Variants in CTNNA3 observed in about 807,000 individuals in gnomAD.
CTNNA3 encodes catenin alpha-3.
In CTNNA3, 76 loss-of-function variants were observed where a neutral mutation model predicts 95.7. The ratio of observed to expected loss-of-function variants is 0.79; its 90% confidence interval spans 0.66 to 0.96. CTNNA3 has a LOEUF of 0.96. CTNNA3 is among the 40% of genes least tolerant of loss of function. The pLI, the probability that CTNNA3 is intolerant of heterozygous loss-of-function variation, is 0.00. For synonymous variants in CTNNA3, 431 were observed against 374.4 expected, an observed-to-expected ratio of 1.15 and a Z score of -1.74; for missense variants, 1,191 against 1,089.8, an observed-to-expected ratio of 1.09 and a Z score of -1.31.
intron 7 of CTNNA3, among the ~76,000 whole-genome samples, chr10:67,180,114 C>A (rs1282740462): frequency 6.6e-6 from 1 of 152,170 alleles, no homozygotes; most frequent in Admixed American, 6.5e-5. Context: ...AAATACCCTT[C>A]TGGTTCTGAT....
chr10:66,639,477 A>T (rs1845445086), intron 9 of CTNNA3, among the ~76,000 whole-genome samples: 1 of 152,116 alleles, frequency 6.6e-6, no homozygotes, highest in Non-Finnish European at 1.5e-5. Context: ...AGACAGAATG[A>T]ACTTTATTTA....
chr10:67,219,808 G>C lies in CTNNA3; in HGVS notation c.642C>G (p.Asn214Lys), dbSNP rs761587201. ...IAGARASLKE[N>K]SPLLHSICSA... is the part of the protein sequence containing the mutation. ...AACAAATTGAATGCAAGAGGGGAGA[G>C]TTCTCCTTCAGTGAAGCTCGGGCTC... Residue 214 changes from asparagine (N) to lysine (K), a missense_variant, in exon 6 of 18, where the codon AAC becomes AAG. Transcript: ENST00000433211. 6.2e-7 allele frequency: 1 copy of C among 1,613,466 alleles called. No homozygotes were observed. Among genetic ancestry groups the C allele is most frequent in the Non-Finnish European group, 8.5e-7 (1 of 1,179,458 alleles).
chr10:66,374,043 A>G (rs2092774394), intron 12 of CTNNA3, among the ~76,000 whole-genome samples: 1 of 152,194 alleles, frequency 6.6e-6, no homozygotes, highest in African/African-American at 2.4e-5. Flanking sequence ...CTGCTTAACT[A>G]GACTGTATCA....
At chr10:66,600,087 C>T (rs1290889009) in intron 10 of CTNNA3, among the ~76,000 whole-genome samples, 1 of 151,788 alleles carries the variant, frequency 6.6e-6, no homozygotes, top group Non-Finnish European at 1.5e-5. Context: ...CAGGCTAACA[C>T]AGTTGCTGAG....
intron 7 of CTNNA3, among the ~76,000 whole-genome samples, chr10:66,939,307 C>G (rs1462270651): frequency 6.6e-6 from 1 of 152,038 alleles, no homozygotes; most frequent in Non-Finnish European, 1.5e-5. Context: ...ATTTCTTTTT[C>G]TCTTTCTCAT....
chr10:66,369,158 C>T (rs778455123), intron 12 of CTNNA3, among the ~76,000 whole-genome samples: 1 of 152,070 alleles, frequency 6.6e-6, no homozygotes, highest in African/African-American at 2.4e-5. Context: ...CCTTAGGCTG[C>T]TGTGTAGTAT....
At chr10:66,209,071 C>T (rs1378961833) in intron 13 of CTNNA3, among the ~76,000 whole-genome samples, 1 of 152,146 alleles carries the variant, frequency 6.6e-6, no homozygotes, top group Non-Finnish European at 1.5e-5. Flanking sequence ...TCCTCCAATA[C>T]TATCCCCATC....
chr10:66,047,765 A>G (rs1322256711), intron 15 of CTNNA3, among the ~76,000 whole-genome samples: 1 of 152,176 alleles, frequency 6.6e-6, no homozygotes, highest in Non-Finnish European at 1.5e-5. Context: ...TCCAGCTGAT[A>G]CCTTCGGCAA....
intron 16 of CTNNA3, among the ~76,000 whole-genome samples, chr10:65,968,156 G>A (rs2078018868): frequency 6.6e-6 from 1 of 152,130 alleles, no homozygotes; most frequent in Admixed American, 6.5e-5. Context: ...TTGGGAAGCT[G>A]AAACAGGAAA....
At chr10:66,058,212 C>A (rs2080123353) in intron 15 of CTNNA3, among the ~76,000 whole-genome samples, 1 of 152,184 alleles carries the variant, frequency 6.6e-6, no homozygotes, top group African/African-American at 2.4e-5. Context: ...CATACTCCAA[C>A]TATGCTTTCA....
rs547995552 is a variant in CTNNA3, at chr10:66,420,798, C to CAAATAAATAAATAAATAAAT, written c.1532-41466_1532-41447dup. Among the ~76,000 whole-genome samples the CAAATAAATAAATAAATAAAT allele has an allele frequency of 7.8e-5, 9 of 115,298 alleles. No homozygotes were observed. In the East Asian group the frequency reaches 1.8e-3, roughly 23 times the overall value. The allele number at this position is 115,298 out of a possible 152,430, so 75.6% of individuals were successfully genotyped here. A position where few individuals can be genotyped will look rare whatever the true frequency, so the allele number is the denominator to read the frequency against. On this transcript the variant is annotated intron_variant, in intron 11 of 17. Coordinates refer to ENST00000433211, the MANE Select transcript of CTNNA3 (RefSeq NM_013266.4). ...TGGGTGACACAGCAAGACTCTGTCT[C>CAAATAAATAAATAAATAAAT]AAATAAATAAATAAATAAATAAATA...
intron 7 of CTNNA3, among the ~76,000 whole-genome samples, chr10:67,085,987 A>C (rs2131893131): frequency 6.6e-6 from 1 of 152,104 alleles, no homozygotes; most frequent in African/African-American, 2.4e-5. Flanking sequence ...CCTACACATA[A>C]TTCCACCCTA....
Position 66,719,394 on chromosome 10 carries a change from C to T in CTNNA3, c.1281+46870G>A, listed in dbSNP as rs574058072. 1.7e-4 allele frequency among the ~76,000 whole-genome samples: 26 copies of T among 152,288 alleles called. No individual in the cohort carries two copies. The South Asian group carries it at 5.2e-3, about 30-fold the overall frequency. The stretch of plus-strand genomic sequence containing the variant: ...CTTGAACTTTCTGACCCTAAGTTAA[C>T]ATCTGATAACATGTGTTCTACATTT... On this transcript the variant is annotated intron_variant, in intron 9 of 17. Transcript: ENST00000433211.
chr10:66,929,009 G>C (rs1314031140), intron 7 of CTNNA3, among the ~76,000 whole-genome samples: 1 of 152,204 alleles, frequency 6.6e-6, no homozygotes, highest in Non-Finnish European at 1.5e-5. Context: ...GATGGTGCTA[G>C]GTTAAAGCAG....
At chr10:66,694,590 GA>G (rs1296742116) in intron 9 of CTNNA3, among the ~76,000 whole-genome samples, 2 of 152,064 alleles carry the variant, frequency 1.3e-5, no homozygotes, top group Non-Finnish European at 2.9e-5. Context: ...GAAAAAGAGG[GA>G]ATCCTCCCTA....
chr10:66,022,394 T>C (rs1357814225), intron 15 of CTNNA3, among the ~76,000 whole-genome samples: 1 of 152,202 alleles, frequency 6.6e-6, no homozygotes, highest in Non-Finnish European at 1.5e-5. Flanking sequence ...TCATTTTTGC[T>C]TTGATGAAAG....
intron 11 of CTNNA3, among the ~76,000 whole-genome samples, chr10:66,476,515 T>C (rs1839331353): frequency 6.6e-6 from 1 of 152,152 alleles, no homozygotes; most frequent in Admixed American, 6.6e-5. Flanking sequence ...TAAAAGGCAA[T>C]TGAGTTTTTT....
At chr10:66,342,843 TGTC>T (rs1490108589) in intron 12 of CTNNA3, among the ~76,000 whole-genome samples, 1 of 152,254 alleles carries the variant, frequency 6.6e-6, no homozygotes, top group East Asian at 1.9e-4. Flanking sequence ...ATATTATCTT[TGTC>T]GTATTATTTG....
intron 3 of CTNNA3, among the ~76,000 whole-genome samples, chr10:67,584,324 G>A (rs56201119): frequency 0.15 from 22,145 of 152,192 alleles, 2,118 homozygotes; most frequent in Middle Eastern, 0.24. Flanking sequence ...GGACTTTGCT[G>A]GAGGTCCACT....
Sources: gnomAD v4.1 joint callset for allele counts (sites outside exome capture counted in the v4.1 genomes callset) on GRCh38, gnomAD v4.1.1 for gene constraint, MANE v1.5 for transcripts, NCBI Gene and HGNC (gene_info 2026-07-23, HGNC 2026-07-21) for gene names.